The following CDH4 variants were observed in gnomAD, a reference collection of about 807,000 sequenced individuals.
CDH4 encodes cadherin 4.
CDH4 carries 33 observed loss-of-function variants against 86.0 expected under a neutral mutation model. The ratio of observed to expected loss-of-function variants is 0.38; its 90% CI spans 0.29 to 0.51. The LOEUF (loss-of-function observed/expected upper bound fraction) is 0.51, where lower values mean the gene tolerates loss of function less well. Ranked by LOEUF, CDH4 falls within the 20% of genes least tolerant of loss-of-function variation. CDH4 has a pLI of 0.86. For missense variants in CDH4, 1,114 were observed against 1,307.4 expected (o/e 0.85, Z 2.28); for synonymous variants, 555 against 549.4 (o/e 1.01, Z -0.14).
At chr20:61,405,373 G>A (rs557324744) in intron 2 of CDH4, among the ~76,000 whole-genome samples, 107 of 152,008 alleles carry the variant, frequency 7.0e-4, no homozygotes, top group Non-Finnish European at 1.2e-3. Context: ...TCATCACCAT[G>A]GTGCTGATGT....
intron 2 of CDH4, among the ~76,000 whole-genome samples, chr20:61,542,893 C>T (rs918820246): frequency 6.6e-6 from 1 of 152,204 alleles, no homozygotes; most frequent in African/African-American, 2.4e-5. Flanking sequence ...CAGTCCAAGT[C>T]CCCAGATCTC....
chr20:61,388,395 C>T (rs2084963712), intron 2 of CDH4, among the ~76,000 whole-genome samples: 1 of 151,890 alleles, frequency 6.6e-6, no homozygotes, highest in South Asian at 2.1e-4. Flanking sequence ...CCCCTACAGC[C>T]CCTACAGCTG....
intron 2 of CDH4, among the ~76,000 whole-genome samples, chr20:61,260,937 C>A (rs774002086): frequency 6.6e-6 from 1 of 152,220 alleles, no homozygotes; most frequent in Non-Finnish European, 1.5e-5. Context: ...GAAAGCGCTG[C>A]ATGGTGCATC....
intron 1 of CDH4, among the ~76,000 whole-genome samples, chr20:61,253,771 C>T (rs1917920391): frequency 6.6e-6 from 1 of 152,148 alleles, no homozygotes; most frequent in South Asian, 2.1e-4. Context: ...GTCGGGAAGC[C>T]TGGAGCTCCG....
intron 2 of CDH4, among the ~76,000 whole-genome samples, chr20:61,416,194 G>A (rs1033747711): frequency 6.6e-6 from 1 of 150,778 alleles, no homozygotes; most frequent in African/African-American, 2.4e-5. Flanking sequence ...TAGAGACAGG[G>A]TTTCACCATG....
At chr20:61,632,071 G>A (rs2086894505) in intron 2 of CDH4, among the ~76,000 whole-genome samples, 2 of 152,240 alleles carry the variant, frequency 1.3e-5, no homozygotes, top group Non-Finnish European at 1.5e-5. Flanking sequence ...TCCGGGATGC[G>A]CTGGCACACA....
At chr20:61,344,770 G>A (rs929382050) in intron 2 of CDH4, among the ~76,000 whole-genome samples, 1 of 152,186 alleles carries the variant, frequency 6.6e-6, no homozygotes, top group African/African-American at 2.4e-5. Flanking sequence ...TGTGATGTCT[G>A]TAATACTAAC....
chr20:61,923,553 G>A lies in CDH4; in HGVS notation c.1477G>A (p.Gly493Arg). The change falls in exon 10 of 16, where the codon GGG becomes AGG. Residue 493 changes from glycine to arginine, a missense_variant. Gly to Arg is a moderately radical substitution (Grantham distance 125). Transcript: ENST00000614565. ...CCAGATGTCCTTCCAGTCCACGGCA[G>A]GGGTGACCATCTCCATCATGGACAT... ...GIQMSFQSTA[G>R]VTISIMDINE... is the part of the protein sequence containing the mutation. The A allele has an allele frequency of 6.2e-7, 1 of 1,614,218 alleles. No homozygotes were observed. Among genetic ancestry groups the A allele is most frequent in the Non-Finnish European group, 8.5e-7 (1 of 1,180,046 alleles).
intron 2 of CDH4, among the ~76,000 whole-genome samples, chr20:61,349,365 T>A (rs2084697047): frequency 6.6e-6 from 1 of 152,230 alleles, no homozygotes; most frequent in Non-Finnish European, 1.5e-5. Context: ...CTGGGTAGGA[T>A]TCAGCACATC....
chr20:61,725,813 G>C (rs1320286374), intron 2 of CDH4, among the ~76,000 whole-genome samples: 2 of 152,128 alleles, frequency 1.3e-5, no homozygotes, highest in African/African-American at 2.4e-5. Flanking sequence ...TCTCAGGACA[G>C]CAAAGAGAGC....
In CDH4 at chr20:61,629,610, A is replaced by G. The variant is rs534575681; in HGVS notation, c.170-113953A>G. Among the ~76,000 whole-genome samples the G allele has an allele frequency of 4.6e-5, 7 of 152,376 alleles. No homozygotes were observed. In the South Asian group the frequency reaches 6.2e-4, roughly 14 times the overall value. On this transcript the variant is annotated intron_variant, in intron 2 of 15. Transcript: ENST00000614565. ...CTTGGACAGTTGATCTTCCAGTGAC[A>G]GGGAAACCTGTTAGTAATGATCACT...
At chr20:61,619,636 T>C (rs569703160) in intron 2 of CDH4, among the ~76,000 whole-genome samples, 4 of 152,284 alleles carry the variant, frequency 2.6e-5, no homozygotes, top group African/African-American at 9.6e-5. Context: ...GCTCTCCTGG[T>C]CTCCATTCTC....
chr20:61,848,947 G>A (rs1568848012), intron 5 of CDH4, among the ~76,000 whole-genome samples: 1 of 152,164 alleles, frequency 6.6e-6, no homozygotes, highest in Non-Finnish European at 1.5e-5. Flanking sequence ...TGCACACCAG[G>A]TTCTAGGAGC....
chr20:61,322,355 G>A (rs907169866), intron 2 of CDH4, among the ~76,000 whole-genome samples: 1 of 152,226 alleles, frequency 6.6e-6, no homozygotes, highest in Non-Finnish European at 1.5e-5. Context: ...CAGCAGCTGG[G>A]AGGTGCCGGC....
chr20:61,551,510 G>T (rs1199138223), intron 2 of CDH4, among the ~76,000 whole-genome samples: 1 of 152,176 alleles, frequency 6.6e-6, no homozygotes, highest in Non-Finnish European at 1.5e-5. Context: ...TCCCATCCCA[G>T]GGGCAGCCAC....
At chr20:61,456,438 T>A (rs2085407364) in intron 2 of CDH4, among the ~76,000 whole-genome samples, 1 of 152,192 alleles carries the variant, frequency 6.6e-6, no homozygotes, top group Non-Finnish European at 1.5e-5. Flanking sequence ...ATTTTTAGTT[T>A]TCACAAAGCA....
chr20:61,778,886 G>A (rs79928680), intron 4 of CDH4, among the ~76,000 whole-genome samples: 1,684 of 152,300 alleles, frequency 0.011, 32 homozygotes, highest in African/African-American at 0.038. Flanking sequence ...GACAGTTTGG[G>A]CAGTTGCTAT....
intron 2 of CDH4, among the ~76,000 whole-genome samples, chr20:61,497,040 CGT>C (rs953417896): frequency 6.6e-6 from 1 of 151,054 alleles, no homozygotes; most frequent in Non-Finnish European, 1.5e-5. Flanking sequence ...TAATATCAGC[CGT>C]GAATAAGCCT....
intron 2 of CDH4, among the ~76,000 whole-genome samples, chr20:61,723,470 T>C (rs768551986): frequency 5.9e-5 from 9 of 152,138 alleles, no homozygotes; most frequent in Non-Finnish European, 1.0e-4. Flanking sequence ...TGGCTTCCCT[T>C]TGCTCAAGGC....
Sources: gnomAD v4.1 joint callset for allele counts (sites outside exome capture counted in the v4.1 genomes callset) on GRCh38, gnomAD v4.1.1 for gene constraint, MANE v1.5 for transcripts, NCBI Gene and HGNC (gene_info 2026-07-23, HGNC 2026-07-21) for gene names.